The following ACTR3 variants were observed in gnomAD, a reference collection of about 807,000 sequenced individuals.
The protein encoded by ACTR3 is actin related protein 3.
Under a neutral mutation model 56.8 loss-of-function variants are expected in ACTR3, and 12 were observed. The ratio of observed to expected loss-of-function variants is 0.21; its 90% CI spans 0.14 to 0.34. The LOEUF is 0.34. ACTR3 is among the 10% of genes least tolerant of loss of function. The pLI is 1.00. For synonymous variants in ACTR3, 162 were observed against 167.4 expected (o/e 0.97, Z 0.25); for missense variants, 282 against 512.5 (o/e 0.55, Z 4.34).
rs1680241002 is a variant in ACTR3, at chr2:113,957,648, T to C, written c.*193T>C. On this transcript the variant is annotated 3_prime_UTR_variant, in exon 12 of 12. Transcript: ENST00000263238. ...AGAAGAGAGCGAAAGTGATTGTGTT[T>C]TTCTTTAGATTGAATATTTGAATCT... The C allele has an allele frequency of 6.4e-6, 3 of 468,374 alleles. No individual in the cohort carries two copies. In the East Asian group the frequency reaches 9.1e-5, roughly 14 times the overall value. The allele number at this position is 468,374 out of a possible 1,614,324, so 29.0% of individuals were successfully genotyped here. A position where few individuals can be genotyped will look rare whatever the true frequency, so the allele number is the denominator to read the frequency against.
chr2:113,899,699 T>C (rs1416095137), intron 1 of ACTR3, among the ~76,000 whole-genome samples: 1 of 152,240 alleles, frequency 6.6e-6, no homozygotes, highest in African/African-American at 2.4e-5. Flanking sequence ...GTGAGCTAAA[T>C]TGAAAGCTCC....
At chr2:113,939,779 A>G (rs1418519409) in intron 6 of ACTR3, among the ~76,000 whole-genome samples, 180 bp from the exon 7 acceptor site, 2 of 152,214 alleles carry the variant, frequency 1.3e-5, no homozygotes, top group African/African-American at 2.4e-5. Flanking sequence ...AATAAATCTA[A>G]GTTGCTGGCC....
chr2:113,914,766 T>C (rs373362440), intron 2 of ACTR3, among the ~76,000 whole-genome samples: 1 of 152,208 alleles, frequency 6.6e-6, no homozygotes, highest in South Asian at 2.1e-4. Context: ...TTGATACACT[T>C]TTCTAGGAAT....
chr2:113,907,587 T>G (rs1679218758), intron 1 of ACTR3, among the ~76,000 whole-genome samples: 1 of 152,208 alleles, frequency 6.6e-6, no homozygotes, highest in South Asian at 2.1e-4. Context: ...AGGAAATCTT[T>G]ACAGAAAATT....
chr2:113,924,610 A>G (rs886922130), intron 3 of ACTR3, among the ~76,000 whole-genome samples: 1 of 152,208 alleles, frequency 6.6e-6, no homozygotes, highest in Non-Finnish European at 1.5e-5. Context: ...TTGAGAATCT[A>G]GTCCCTTTGA....
intron 6 of ACTR3, among the ~76,000 whole-genome samples, chr2:113,934,970 G>A (rs1679797194): frequency 6.6e-6 from 1 of 151,546 alleles, no homozygotes; most frequent in Admixed American, 6.6e-5. Flanking sequence ...ATAGAGAAAG[G>A]TTTATCTTTT....
chr2:113,906,243 G>A (rs1206065376), intron 1 of ACTR3, among the ~76,000 whole-genome samples: 1 of 152,022 alleles, frequency 6.6e-6, no homozygotes, highest in Admixed American at 6.6e-5. Context: ...TTATTAGTAA[G>A]GTTGAACATC....
chr2:113,896,543 T>C (rs1445387646), intron 1 of ACTR3, among the ~76,000 whole-genome samples: 3 of 152,206 alleles, frequency 2.0e-5, no homozygotes, highest in Non-Finnish European at 4.4e-5. Flanking sequence ...AATTGGAATT[T>C]GTTGTTGAAT....
chr2:113,944,739 G>A (rs1443671353), intron 8 of ACTR3, among the ~76,000 whole-genome samples: 3 of 152,052 alleles, frequency 2.0e-5, no homozygotes, highest in East Asian at 1.9e-4. Flanking sequence ...TCCAGCCTGG[G>A]CGACAGAGCG....
intron 6 of ACTR3, among the ~76,000 whole-genome samples, chr2:113,935,397 T>C (rs1679808871): frequency 6.6e-6 from 1 of 152,184 alleles, no homozygotes; most frequent in South Asian, 2.1e-4. Flanking sequence ...CAACCACGAA[T>C]CTACTTTTTG....
chr2:113,897,518 A>ATTTTT (rs58363370), intron 1 of ACTR3, among the ~76,000 whole-genome samples: 2 of 98,906 alleles, frequency 2.0e-5, no homozygotes, highest in African/African-American at 3.0e-5. Flanking sequence ...GCCAGATGTT[A>ATTTTT]TTTTTTTTTT....
At chr2:113,929,303 T>G (rs1679676768) in intron 4 of ACTR3, among the ~76,000 whole-genome samples, 1 of 151,972 alleles carries the variant, frequency 6.6e-6, no homozygotes, top group Admixed American at 6.5e-5. Context: ...CCACCACACC[T>G]GGGTAATGTG....
At chr2:113,933,123 A>G (rs920950286) in intron 5 of ACTR3, among the ~76,000 whole-genome samples, 1 of 152,216 alleles carries the variant, frequency 6.6e-6, no homozygotes, top group South Asian at 2.1e-4. Context: ...AATTTTATCA[A>G]CGTTGCTCCA....
chr2:113,906,081 C>G (rs539834013), intron 1 of ACTR3, among the ~76,000 whole-genome samples: 2 of 152,222 alleles, frequency 1.3e-5, no homozygotes, highest in African/African-American at 4.8e-5. Flanking sequence ...TATAGTTTTC[C>G]ACAGCATTGC....
chr2:113,960,499 A>G lies in ACTR3; in HGVS notation c.*3044A>G, dbSNP rs966490537. 6.6e-6 allele frequency: 1 copy of G among 152,060 alleles called. No homozygotes were observed. Among genetic ancestry groups the G allele is most frequent in the African/African-American group, 2.4e-5 (1 of 41,446 alleles). 9.4% of individuals were successfully genotyped at this position (152,060 alleles called of 1,614,324 possible). A position where few individuals can be genotyped will look rare whatever the true frequency, so the allele number is the denominator to read the frequency against. ...TTTCTACAGAAAAGTACTAGAGAATATATCTATAGAAACTTCTTTCAGATA... is the reference window on the plus strand; with the variant it reads ...TTTCTACAGAAAAGTACTAGAGAATGTATCTATAGAAACTTCTTTCAGATA... On this transcript the variant is annotated 3_prime_UTR_variant, in exon 12 of 12. Transcript: ENST00000263238.
chr2:113,895,369 T>G (rs1678987389), intron 1 of ACTR3, among the ~76,000 whole-genome samples: 1 of 152,182 alleles, frequency 6.6e-6, no homozygotes, highest in Admixed American at 6.5e-5. Flanking sequence ...ACACTAGATC[T>G]TCCTTCCGTA....
At chr2:113,941,243 A>G (rs570462481) in intron 7 of ACTR3, among the ~76,000 whole-genome samples, 2 of 152,338 alleles carry the variant, frequency 1.3e-5, no homozygotes, top group Admixed American at 1.3e-4. Flanking sequence ...TAAATATATA[A>G]AAAGTTAATG....
chr2:113,897,707 A>G (rs1294725004), intron 1 of ACTR3, among the ~76,000 whole-genome samples: 1 of 151,780 alleles, frequency 6.6e-6, no homozygotes, highest in East Asian at 1.9e-4. Flanking sequence ...TTGTGTTTTT[A>G]GTAGAGACCG....
At chr2:113,940,158 A>G (rs1304220369) in intron 7 of ACTR3, 56 bp downstream of exon 7, 3 of 1,487,082 alleles carry the variant, frequency 2.0e-6, no homozygotes, top group Non-Finnish European at 2.7e-6. Context: ...CATTTATAAC[A>G]TTAACGTGAG....
Sources: gnomAD v4.1 joint callset for allele counts (sites outside exome capture counted in the v4.1 genomes callset) on GRCh38, gnomAD v4.1.1 for gene constraint, MANE v1.5 for transcripts, NCBI Gene and HGNC (gene_info 2026-07-23, HGNC 2026-07-21) for gene names.